TNFRSF19: variants seen among roughly 807,000 people sequenced by gnomAD.
TNFRSF19 encodes the protein tumor necrosis factor receptor superfamily member 19.
Under a neutral mutation model 46.4 loss-of-function variants are expected in TNFRSF19, and 27 were observed. That is an observed-to-expected ratio of 0.58 (90% CI 0.43 to 0.80). The LOEUF (loss-of-function observed/expected upper bound fraction) is 0.80. TNFRSF19 is among the 30% of genes least tolerant of loss of function. The probability of loss-of-function intolerance (pLI) is 0.00; values close to 1 mark genes in which losing one functional copy is unlikely to be tolerated. For synonymous variants in TNFRSF19, 204 were observed against 205.0 expected (o/e 1.00, Z 0.04); for missense variants, 511 against 530.8 (o/e 0.96, Z 0.37).
chr13:23,612,896 G>A (rs1372076020), intron 3 of TNFRSF19, among the ~76,000 whole-genome samples: 2 of 152,178 alleles, frequency 1.3e-5, no homozygotes, highest in African/African-American at 2.4e-5. Flanking sequence ...AGTGGAGGGA[G>A]GAGGTGACTT....
chr13:23,626,925 T>A, intron 5 of TNFRSF19, 133 bp downstream of exon 5: 1 of 746,308 alleles, frequency 1.3e-6, no homozygotes, highest in Non-Finnish European at 2.1e-6. Context: ...GTGTCCTCTT[T>A]AATCAGGCTT....
intron 5 of TNFRSF19, among the ~76,000 whole-genome samples, chr13:23,628,228 T>C (rs1350626587): frequency 6.6e-6 from 1 of 152,182 alleles, no homozygotes; most frequent in Non-Finnish European, 1.5e-5. Flanking sequence ...CTCCCTAAGC[T>C]CCCTAAGGAA....
intron 3 of TNFRSF19, among the ~76,000 whole-genome samples, chr13:23,595,294 G>C (rs1297541306): frequency 6.6e-6 from 1 of 152,120 alleles, no homozygotes; most frequent in East Asian, 1.9e-4. Context: ...CAGAAGGTGG[G>C]TAATAACAAA....
At chr13:23,610,327 G>A (rs1880808725) in intron 3 of TNFRSF19, among the ~76,000 whole-genome samples, 1 of 152,214 alleles carries the variant, frequency 6.6e-6, no homozygotes, top group African/African-American at 2.4e-5. Context: ...GAGAGAAGGG[G>A]ATTTGGGGAC....
At chr13:23,604,604 C>T (rs1485765010) in intron 3 of TNFRSF19, among the ~76,000 whole-genome samples, 2 of 152,082 alleles carry the variant, frequency 1.3e-5, no homozygotes, top group Non-Finnish European at 2.9e-5. Context: ...TCAAGACTTA[C>T]TGTAAACATA....
At chr13:23,666,239 G>A (rs1344722897) in intron 7 of TNFRSF19, among the ~76,000 whole-genome samples, 1 of 152,142 alleles carries the variant, frequency 6.6e-6, no homozygotes, top group Non-Finnish European at 1.5e-5. Flanking sequence ...GATACTTGGA[G>A]GCTGTGTAAA....
chr13:23,587,685 G>A (rs944893650), intron 1 of TNFRSF19, among the ~76,000 whole-genome samples: 7 of 152,194 alleles, frequency 4.6e-5, no homozygotes, highest in African/African-American at 1.2e-4. Flanking sequence ...GAGGAGCCCT[G>A]TTATGGAGTT....
intron 5 of TNFRSF19, among the ~76,000 whole-genome samples, chr13:23,654,398 G>A (rs1385750171): frequency 1.3e-5 from 2 of 151,996 alleles, no homozygotes; most frequent in African/African-American, 4.8e-5. Flanking sequence ...ACACCCAGAC[G>A]TTGCTCAGCA....
intron 1 of TNFRSF19, among the ~76,000 whole-genome samples, chr13:23,577,778 A>ATTT (rs1878063568): frequency 1.3e-5 from 2 of 152,166 alleles, no homozygotes; most frequent in Non-Finnish European, 2.9e-5. Context: ...CAAGGCTGGA[A>ATTT]ATAGGTGTAG....
chr13:23,668,115 AC>A (rs768419409), intron 8 of TNFRSF19, 33 bp downstream of exon 8: 20 of 1,542,052 alleles, frequency 1.3e-5, no homozygotes, highest in African/African-American at 2.7e-5. Flanking sequence ...TCATTTCATA[AC>A]CCCCTGTGCA....
chr13:23,631,320 T>G (rs1282238817), intron 5 of TNFRSF19, among the ~76,000 whole-genome samples: 2 of 152,196 alleles, frequency 1.3e-5, no homozygotes, highest in Non-Finnish European at 2.9e-5. Flanking sequence ...TTTTCAGTCT[T>G]TTTTCTATCT....
chr13:23,645,166 T>G (rs1278639564), intron 5 of TNFRSF19, among the ~76,000 whole-genome samples: 2 of 152,246 alleles, frequency 1.3e-5, no homozygotes, highest in African/African-American at 4.8e-5. Flanking sequence ...ACAAACTTGC[T>G]TTCTGTAACT....
chr13:23,674,448 T>A lies in TNFRSF19; in HGVS notation c.*1068T>A. 1 of 152,210 alleles carries A rather than the reference T, an allele frequency of 6.6e-6. No individual in the cohort carries two copies. The highest frequency in any genetic ancestry group is 1.9e-4 in the East Asian group (1 of 5,192). The allele number at this position is 152,210 out of a possible 1,614,324, so 9.4% of individuals were successfully genotyped here. ...CCCTAGTGTAGTTTGACCAGGACAT[T>A]GTCGTGCTCCTTCCAATTGTGTAAG... On this transcript the variant is annotated 3_prime_UTR_variant, in exon 10 of 10. Transcript: ENST00000248484.
chr13:23,655,414 T>C (rs1883918667), intron 5 of TNFRSF19, among the ~76,000 whole-genome samples: 1 of 152,198 alleles, frequency 6.6e-6, no homozygotes, highest in Non-Finnish European at 1.5e-5. Context: ...GTAAGAAATA[T>C]TTTGTATTCC....
chr13:23,614,371 A>T (rs1015546716), intron 3 of TNFRSF19, among the ~76,000 whole-genome samples: 1 of 152,194 alleles, frequency 6.6e-6, no homozygotes, highest in African/African-American at 2.4e-5. Context: ...CTATCCTTCA[A>T]GTTGGTTTTC....
intron 5 of TNFRSF19, among the ~76,000 whole-genome samples, chr13:23,649,157 CTTCT>C (rs968207994): frequency 2.6e-5 from 4 of 152,054 alleles, no homozygotes; most frequent in Non-Finnish European, 5.9e-5. Flanking sequence ...GGAGTTAATT[CTTCT>C]TTAAGTATTT....
intron 7 of TNFRSF19, among the ~76,000 whole-genome samples, chr13:23,667,135 ATATATG>A (rs139000302): frequency 0.31 from 39,213 of 128,086 alleles, 5,320 homozygotes; most frequent in Non-Finnish European, 0.33. Flanking sequence ...ATATATATAT[ATATATG>A]TATGTATAGA....
intron 1 of TNFRSF19, among the ~76,000 whole-genome samples, 176 bp from the exon 2 acceptor site, chr13:23,589,974 A>G (rs1296720179): frequency 6.6e-6 from 1 of 152,192 alleles, no homozygotes; most frequent in Non-Finnish European, 1.5e-5. Context: ...TCATAATATG[A>G]GTTATAAAAT....
chr13:23,614,634 A>G (rs1333834352), intron 3 of TNFRSF19, among the ~76,000 whole-genome samples: 1 of 151,920 alleles, frequency 6.6e-6, no homozygotes, highest in Non-Finnish European at 1.5e-5. Context: ...CTCTTAAGCC[A>G]CTGTCTGTTT....
Sources: allele counts gnomAD v4.1 joint callset (sites outside exome capture counted in the v4.1 genomes callset), GRCh38; gene constraint gnomAD v4.1.1; transcripts MANE v1.5; gene names NCBI Gene and HGNC (gene_info 2026-07-23, HGNC 2026-07-21).